AGBL4: variants seen among roughly 807,000 people sequenced by gnomAD.
The protein encoded by AGBL4 is cytosolic carboxypeptidase 6.
In AGBL4, 58 loss-of-function variants were observed where a neutral mutation model predicts 66.4. The observed-to-expected ratio is 0.87, with a 90% CI of 0.71 to 1.09. AGBL4 has a LOEUF of 1.09. Among genes scored for constraint, AGBL4 ranks in the 50% least tolerant of loss-of-function variants. The probability of loss-of-function intolerance (pLI) is 0.00; values close to 1 mark genes in which losing one functional copy is unlikely to be tolerated. For synonymous variants in AGBL4, 234 were observed against 222.9 expected, an observed-to-expected ratio of 1.05 and a Z score of -0.44; for missense variants, 579 against 631.0, an observed-to-expected ratio of 0.92 and a Z score of 0.88.
At chr1:48,600,282 G>A (rs1217811930) in intron 9 of AGBL4, among the ~76,000 whole-genome samples, 12 of 152,148 alleles carry the variant, frequency 7.9e-5, no homozygotes, top group Admixed American at 7.9e-4. Flanking sequence ...TAGGGGTGTG[G>A]GAAGTTCCCA....
intron 3 of AGBL4, among the ~76,000 whole-genome samples, chr1:49,347,732 C>T (rs1006062116): frequency 5.3e-5 from 8 of 151,420 alleles, no homozygotes; most frequent in Non-Finnish European, 1.0e-4. Flanking sequence ...TGGTGGCAGG[C>T]GCCTGTAGTC....
chr1:48,856,439 A>T (rs1647154753), intron 6 of AGBL4, among the ~76,000 whole-genome samples: 1 of 152,184 alleles, frequency 6.6e-6, no homozygotes, highest in Non-Finnish European at 1.5e-5. Flanking sequence ...TCTAAAGATG[A>T]TTTTAAAGCT....
chr1:48,731,757 A>T (rs919104721), intron 6 of AGBL4, among the ~76,000 whole-genome samples: 1 of 152,226 alleles, frequency 6.6e-6, no homozygotes. Context: ...GTTCAAGGGG[A>T]ATACTGCTGA....
At chr1:49,841,732 A>G (rs1645994780) in intron 2 of AGBL4, 1 of 280,044 alleles carries the variant, frequency 3.6e-6, no homozygotes, top group Admixed American at 4.9e-5. Context: ...GGTGCTGTTA[A>G]AGGCATTCAG....
At chr1:49,442,846 A>G (rs1646066708) in intron 3 of AGBL4, among the ~76,000 whole-genome samples, 2 of 152,150 alleles carry the variant, frequency 1.3e-5, no homozygotes, top group African/African-American at 2.4e-5. Context: ...TAGTTCTTTG[A>G]GAAATATCCA....
intron 4 of AGBL4, among the ~76,000 whole-genome samples, chr1:49,064,559 G>A (rs569525609): frequency 5.9e-5 from 9 of 152,174 alleles, no homozygotes; most frequent in East Asian, 5.8e-4. Flanking sequence ...CATGGATTCC[G>A]TGAGTCCTCA....
intron 5 of AGBL4, among the ~76,000 whole-genome samples, chr1:48,920,852 C>T (rs2148891677): frequency 6.6e-6 from 1 of 151,654 alleles, no homozygotes; most frequent in South Asian, 2.1e-4. Flanking sequence ...GTGGTAGTGG[C>T]AACAGAACTG....
At chr1:49,740,339 G>A (rs933446647) in intron 2 of AGBL4, among the ~76,000 whole-genome samples, 72 of 152,208 alleles carry the variant, frequency 4.7e-4, no homozygotes, top group African/African-American at 1.7e-3. Flanking sequence ...CAATTCAACA[G>A]GAAGAGCTAA....
At chr1:49,919,129 T>C (rs573964979) in intron 1 of AGBL4, among the ~76,000 whole-genome samples, 100 of 152,264 alleles carry the variant, frequency 6.6e-4, no homozygotes, top group Middle Eastern at 3.4e-3. Context: ...GCCAATATCA[T>C]ACTCAATGGA....
At chr1:48,812,572 AT>A (rs1646076492) in intron 6 of AGBL4, among the ~76,000 whole-genome samples, 1 of 152,204 alleles carries the variant, frequency 6.6e-6, no homozygotes. Flanking sequence ...ACCTTTAAGG[AT>A]TTCATTTCTG....
intron 3 of AGBL4, among the ~76,000 whole-genome samples, chr1:49,630,176 C>T (rs1645543974): frequency 6.6e-6 from 1 of 152,142 alleles, no homozygotes; most frequent in South Asian, 2.1e-4. Context: ...CTCCTATCAC[C>T]TGTGGTCTGC....
intron 5 of AGBL4, among the ~76,000 whole-genome samples, chr1:49,041,848 C>T (rs1643950526): frequency 6.6e-6 from 1 of 152,074 alleles, no homozygotes; most frequent in South Asian, 2.1e-4. Context: ...CTATTCCAAT[C>T]ACACCAGACT....
intron 6 of AGBL4, among the ~76,000 whole-genome samples, chr1:48,843,684 C>T (rs528277784): frequency 1.1e-4 from 17 of 151,640 alleles, no homozygotes; most frequent in Admixed American, 3.3e-4. Flanking sequence ...ATTTCATTGA[C>T]GCCCAGATTA....
chr1:49,339,781 G>T (rs927256724), intron 3 of AGBL4, among the ~76,000 whole-genome samples: 1 of 152,132 alleles, frequency 6.6e-6, no homozygotes, highest in Non-Finnish European at 1.5e-5. Flanking sequence ...TACAGGTATA[G>T]AGCTAAGGGC....
intron 1 of AGBL4, among the ~76,000 whole-genome samples, chr1:49,874,756 G>C (rs931963123): frequency 3.3e-5 from 5 of 151,620 alleles, no homozygotes; most frequent in Non-Finnish European, 7.4e-5. Context: ...TAAGAAAATG[G>C]TTCATGTACA....
intron 5 of AGBL4, among the ~76,000 whole-genome samples, chr1:48,962,120 T>G (rs879525424): frequency 2.0e-5 from 3 of 149,756 alleles, no homozygotes; most frequent in Non-Finnish European, 4.4e-5. Context: ...CATCCATCCA[T>G]CCATCCGTCC....
chr1:49,118,152 T>C (rs545809983), intron 4 of AGBL4, among the ~76,000 whole-genome samples: 2 of 152,192 alleles, frequency 1.3e-5, no homozygotes, highest in Admixed American at 6.5e-5. Flanking sequence ...TATGATCATG[T>C]CATCTGCAAA....
intron 3 of AGBL4, 21 bp downstream of exon 3, chr1:49,697,292 G>C: frequency 1.3e-6 from 2 of 1,538,064 alleles, no homozygotes; most frequent in Non-Finnish European, 1.8e-6. Context: ...CCACTCTGAA[G>C]GTATCCACTA....
rs1181094190 is a variant in AGBL4 at position 49,270,889 on chromosome 1, A to G, written c.283-25025T>C. ...ACGAGAATATCAAACTAAAATAAAAACATAATAGTGCCATGATTAGTCTTA... is the reference window on the plus strand; with the variant it reads ...ACGAGAATATCAAACTAAAATAAAAGCATAATAGTGCCATGATTAGTCTTA... On this transcript the variant is annotated intron_variant, in intron 3 of 13. Transcript: ENST00000371839. Among the ~76,000 whole-genome samples the G allele has an allele frequency of 2.6e-5, 4 of 152,318 alleles. No homozygotes were observed. The East Asian group carries it at 7.7e-4, about 29-fold the overall frequency.
Sources: allele counts gnomAD v4.1 joint callset (sites outside exome capture counted in the v4.1 genomes callset), GRCh38; gene constraint gnomAD v4.1.1; transcripts MANE v1.5; gene names NCBI Gene and HGNC (gene_info 2026-07-23, HGNC 2026-07-21).